DNM2: variants seen among roughly 807,000 people sequenced by gnomAD.
The protein encoded by DNM2 is dynamin 2.
In DNM2, 15 loss-of-function variants were observed where a neutral mutation model predicts 99.0. The observed-to-expected ratio is 0.15, with a 90% CI of 0.10 to 0.23. DNM2 has a LOEUF of 0.23. Ranked by LOEUF, DNM2 falls within the 10% of genes least tolerant of loss-of-function variation. The probability of loss-of-function intolerance (pLI) is 1.00; values close to 1 mark genes in which losing one functional copy is unlikely to be tolerated. For missense variants in DNM2, 742 were observed against 1,189.4 expected (o/e 0.62, Z 5.53); for synonymous variants, 525 against 481.2 (o/e 1.09, Z -1.19).
intron 1 of DNM2, among the ~76,000 whole-genome samples, chr19:10,719,522 C>T (rs2068867771): frequency 6.6e-6 from 1 of 152,106 alleles, no homozygotes. Flanking sequence ...AAACTCCACT[C>T]TCTGGGGCTG....
chr19:10,815,634 C>T (rs2072710545), intron 15 of DNM2, among the ~76,000 whole-genome samples: 1 of 152,170 alleles, frequency 6.6e-6, no homozygotes, highest in African/African-American at 2.4e-5. Context: ...GAGCTGGAGG[C>T]TGTGTCAGGT....
intron 15 of DNM2, among the ~76,000 whole-genome samples, chr19:10,819,618 G>A (rs909931997): frequency 1.3e-5 from 2 of 152,278 alleles, no homozygotes; most frequent in East Asian, 3.9e-4. Flanking sequence ...CAGGCACCTA[G>A]GTCAACAAGC....
At chr19:10,813,366 G>A (rs142241426) in intron 15 of DNM2, among the ~76,000 whole-genome samples, 124 of 152,302 alleles carry the variant, frequency 8.1e-4, no homozygotes, top group Admixed American at 1.9e-3. Flanking sequence ...GTCCTATGTA[G>A]AAAAAGATAC....
At position 10,797,209 on chromosome 19, in the gene DNM2, C is replaced by T. The variant is rs141690294; in HGVS notation, c.1197-171C>T. ...CGAGCCCACACCCCCAAACCCCAGA[C>T]CTCTTTGATCCGAAGCAGCTTCCGG... On this transcript the variant is annotated intron_variant, in intron 9 of 20. Transcript: ENST00000389253. 2.8e-3 allele frequency among the ~76,000 whole-genome samples: 419 copies of T among 152,160 alleles called. 2 individuals carry two copies. The highest frequency in any genetic ancestry group is 3.5e-3 in the Admixed American group (54 of 15,270).
chr19:10,786,622 A>G lies in DNM2; in HGVS notation c.908A>G (p.Gln303Arg). 4 of 1,614,170 alleles carry G rather than the reference A, an allele frequency of 2.5e-6. No homozygotes were observed. The highest frequency in any genetic ancestry group is 3.4e-6 in the Non-Finnish European group (4 of 1,180,020). Residue 303 changes from glutamine to arginine, a missense_variant, in exon 7 of 21, where the codon CAG becomes CGG. This residue lies in a region of DNM2 where 44 missense variants were observed against 41.3 expected (regional missense o/e 1.06). Transcript: ENST00000389253. ...LPALRSKLQSQLLSLEKEVEE... is the reference protein window; with the variant it reads ...LPALRSKLQSRLLSLEKEVEE... ...GCCCTACGTAGCAAACTACAGAGCC[A>G]GCTGCTGTCCCTGGAGAAGGAGGTG...
intron 1 of DNM2, among the ~76,000 whole-genome samples, chr19:10,725,464 A>C (rs893828715): frequency 4.7e-5 from 7 of 149,188 alleles, no homozygotes; most frequent in African/African-American, 1.7e-4. Flanking sequence ...AAAAAAAAGG[A>C]AAAAAGGAAA....
At chr19:10,725,124 C>T (rs2069070416) in intron 1 of DNM2, among the ~76,000 whole-genome samples, 3 of 152,208 alleles carry the variant, frequency 2.0e-5, no homozygotes, top group African/African-American at 4.8e-5. Flanking sequence ...AGTGACTTTC[C>T]TTTTGGGCAA....
intron 1 of DNM2, among the ~76,000 whole-genome samples, chr19:10,737,351 A>C (rs2069567198): frequency 6.6e-6 from 1 of 151,950 alleles, no homozygotes; most frequent in African/African-American, 2.4e-5. Context: ...CTCTGCTTAA[A>C]AGCCTCCTTC....
chr19:10,794,444 GT>G (rs1214076213), intron 8 of DNM2, among the ~76,000 whole-genome samples: 1 of 148,000 alleles, frequency 6.8e-6, no homozygotes, highest in Admixed American at 6.7e-5. Flanking sequence ...AAAACAAACA[GT>G]TTTTTAAAAT....
chr19:10,824,728 C>T, intron 17 of DNM2: 1 of 396,684 alleles, frequency 2.5e-6, no homozygotes, highest in East Asian at 5.3e-5. Context: ...CACTTGAGCT[C>T]TCCCTGGGAG....
At chr19:10,746,877 C>T (rs528711181) in intron 1 of DNM2, among the ~76,000 whole-genome samples, 1 of 151,540 alleles carries the variant, frequency 6.6e-6, no homozygotes, top group African/African-American at 2.4e-5. Context: ...GCTGGGATTA[C>T]AGGTGCCCAC....
At chr19:10,779,891 T>G (rs2071300688) in intron 5 of DNM2, among the ~76,000 whole-genome samples, 1 of 152,066 alleles carries the variant, frequency 6.6e-6, no homozygotes, top group Admixed American at 6.6e-5. Flanking sequence ...TGACCTCATG[T>G]GATCCACCCG....
intron 18 of DNM2, among the ~76,000 whole-genome samples, chr19:10,826,894 A>C (rs944108022): frequency 2.6e-5 from 4 of 151,974 alleles, no homozygotes; most frequent in Non-Finnish European, 5.9e-5. Flanking sequence ...TTCAAAAAAA[A>C]AGTGTCTTGG....
chr19:10,787,046 T>C (rs1159435473), intron 7 of DNM2, among the ~76,000 whole-genome samples: 2 of 152,148 alleles, frequency 1.3e-5, no homozygotes, highest in African/African-American at 2.4e-5. Flanking sequence ...AAGGTGAGCA[T>C]TGGCCGGCCA....
At position 10,739,562 on chromosome 19, in the gene DNM2, TCATC is replaced by T. The variant is rs144689588; in HGVS notation, c.162-20172_162-20169del. On this transcript the variant is annotated intron_variant, in intron 1 of 20. Coordinates refer to ENST00000389253, the MANE Select transcript of DNM2 (RefSeq NM_001005361.3). The stretch of plus-strand genomic sequence containing the variant: ...TTATTTAGCATCATGTTTTCAAGAT[TCATC>T]CATGCTGGTTGGGTGCAGTGGCGCA... Among the ~76,000 whole-genome samples, 982 of 152,190 alleles carry T rather than the reference TCATC, an allele frequency of 6.5e-3. 19 individuals are homozygous for T. Among genetic ancestry groups the T allele is most frequent in the African/African-American group, 0.022 (934 of 41,532 alleles).
chr19:10,724,662 C>T (rs1368459), intron 1 of DNM2, among the ~76,000 whole-genome samples: 1 of 151,858 alleles, frequency 6.6e-6, no homozygotes, highest in Non-Finnish European at 1.5e-5. Flanking sequence ...AGGGTGGGAC[C>T]AGGCCTCTAG....
At chr19:10,823,693 C>G in intron 16 of DNM2, 95 bp from the exon 17 acceptor site, 1 of 1,272,380 alleles carries the variant, frequency 7.9e-7, no homozygotes, top group Non-Finnish European at 1.1e-6. Context: ...GGTTCCTGAT[C>G]AGTCAGAAAG....
chr19:10,741,710 C>A (rs141611067), intron 1 of DNM2, among the ~76,000 whole-genome samples: 1 of 151,968 alleles, frequency 6.6e-6, no homozygotes, highest in East Asian at 1.9e-4. Context: ...CCACCATGCC[C>A]GGCTAATTTT....
intron 6 of DNM2, among the ~76,000 whole-genome samples, chr19:10,784,309 C>T (rs1203058017): frequency 2.0e-5 from 3 of 152,034 alleles, no homozygotes; most frequent in Non-Finnish European, 2.9e-5. Flanking sequence ...AGTAGGGGCG[C>T]GGGGGCCGGG....
Sources: allele counts gnomAD v4.1 joint callset (sites outside exome capture counted in the v4.1 genomes callset), GRCh38; gene constraint gnomAD v4.1.1; regional missense constraint gnomAD v4.1.1; transcripts MANE v1.5; gene names NCBI Gene and HGNC (gene_info 2026-07-23, HGNC 2026-07-21).